Variants in SLC4A1 observed in about 807,000 individuals in gnomAD.
SLC4A1 encodes band 3 anion transport protein.
Under a neutral mutation model 93.1 loss-of-function variants are expected in SLC4A1, and 29 were observed. That is an observed-to-expected ratio of 0.31 (90% CI 0.23 to 0.42). The LOEUF is 0.42. SLC4A1 is among the 20% of genes least tolerant of loss of function. SLC4A1 has a pLI of 1.00. For missense variants in SLC4A1, 965 were observed against 1,190.1 expected, an observed-to-expected ratio of 0.81 and a Z score of 2.78; for synonymous variants, 469 against 497.2, an observed-to-expected ratio of 0.94 and a Z score of 0.76.
rs2047316476 is a variant in SLC4A1, at chr17:44,248,912, T to G, written c.*1546A>C. 1 of 193,228 alleles carries G rather than the reference T, an allele frequency of 5.2e-6. No individual in the cohort carries two copies. The highest frequency in any genetic ancestry group is 9.7e-6 in the Non-Finnish European group (1 of 102,726). The allele number at this position is 193,228 out of a possible 1,614,324, so 12.0% of individuals were successfully genotyped here. A position where few individuals can be genotyped will look rare whatever the true frequency, so the allele number is the denominator to read the frequency against. ...TCTCGCTCTGTTGCCCAGGCTGGAG[T>G]GCAGTGGTGCAATCTTGGCTCACTG... is the stretch of plus-strand genomic sequence containing the variant. On this transcript the variant is annotated 3_prime_UTR_variant, in exon 20 of 20. Transcript: ENST00000262418.
rs756716444 is a variant in SLC4A1 at position 44,255,763 on chromosome 17, T to C, written c.1710A>G (p.Thr570=). 1 of 1,614,082 alleles carries C rather than the reference T, an allele frequency of 6.2e-7. No homozygotes were observed. Among genetic ancestry groups the C allele is most frequent in the Non-Finnish European group, 8.5e-7 (1 of 1,179,998 alleles). Residue 570 remains threonine, a synonymous_variant, in exon 14 of 20, where the codon ACA becomes ACG. Coordinates refer to ENST00000262418, the MANE Select transcript of SLC4A1 (RefSeq NM_000342.4). ...VPKPQGPLPN[T]ALLSLVLMAG... ...CCATGAGCACAAGGGAGAGGAGGGC[T>C]GTGTTGGGCAGGGGGCCCTGAGGTT...
intron 3 of SLC4A1, chr17:44,261,932 G>T: frequency 8.8e-7 from 1 of 1,141,160 alleles, no homozygotes; most frequent in Non-Finnish European, 1.2e-6. Context: ...TCTCCAAGGT[G>T]ACGGCAGAGC....
rs764723594 is a variant in SLC4A1, at chr17:44,262,816, C to T, written c.15+36G>A. ...TCTAGGACCAGGTCCCCAGAGCCTCCAGGTGGGAGCACTGCTGATGCCAGG... is the reference window on the plus strand; with the variant it reads ...TCTAGGACCAGGTCCCCAGAGCCTCTAGGTGGGAGCACTGCTGATGCCAGG... On this transcript the variant is annotated intron_variant, in intron 2 of 19. Transcript: ENST00000262418. 6 of 1,612,196 alleles carry T rather than the reference C, an allele frequency of 3.7e-6. No individual in the cohort carries two copies. In the Admixed American group the frequency reaches 8.3e-5, roughly 22 times the overall value.
chr17:44,262,282 AG>A (rs1683880388), intron 3 of SLC4A1, among the ~76,000 whole-genome samples: 2 of 152,224 alleles, frequency 1.3e-5, no homozygotes, highest in East Asian at 1.9e-4. Context: ...GGTCCCCACA[AG>A]CCCCTCATTT....
At chr17:44,251,081 G>C in intron 19 of SLC4A1, 78 bp downstream of exon 19, 1 of 1,479,372 alleles carries the variant, frequency 6.8e-7, no homozygotes, top group Non-Finnish European at 9.2e-7. Context: ...CCATGACTCT[G>C]TCCTGCCTGC....
At position 44,258,044 on chromosome 17, in the gene SLC4A1, G is replaced by C; in HGVS notation, c.1224C>G (p.Ala408=). Residue 408 remains alanine (A), a synonymous_variant, in exon 11 of 20, where the codon GCC becomes GCG. Transcript: ENST00000262418. The surrounding 1 kb of genome is among the most constrained non-coding windows in gnomAD (Gnocchi z 6.1). ...TDAFSPQVLA[A]VIFIYFAALS... is the part of the protein sequence containing the mutation. ...GTGCAGCAAAGTAGATGAAGATGAC[G>C]GCAGCCAGGACCTGGGGGCTGAATG... is the stretch of plus-strand genomic sequence containing the variant. 1.2e-6 allele frequency: 2 copies of C among 1,614,018 alleles called. No homozygotes were observed.
rs112927399 is a variant in SLC4A1, at chr17:44,261,794, A to G, written c.107-158T>C. Among the ~76,000 whole-genome samples, 8 of 152,138 alleles carry G rather than the reference A, an allele frequency of 5.3e-5. 1 individual carries two copies. Among genetic ancestry groups the G allele is most frequent in the African/African-American group, 1.9e-4 (8 of 41,524 alleles). On this transcript the variant is annotated intron_variant, in intron 3 of 19. Transcript: ENST00000262418. ...GTGCCGCATCCCACACTGGCCACTC[A>G]GCAGAATGAGGCTCCCCACACTTGT...
Position 44,255,733 on chromosome 17 carries a change from A to T in SLC4A1, c.1740T>A (p.Gly580=). Residue 580 remains glycine, a synonymous_variant, in exon 14 of 20, where the codon GGT becomes GGA. Coordinates refer to ENST00000262418, the MANE Select transcript of SLC4A1 (RefSeq NM_000342.4). ...TALLSLVLMA[G]TFFFAMMLRK... Reference sequence around the variant, plus strand: ...GCAGCATCATGGCAAAGAAGAAGGTACCGGCCATGAGCACAAGGGAGAGGA... The same window carrying T: ...GCAGCATCATGGCAAAGAAGAAGGTTCCGGCCATGAGCACAAGGGAGAGGA... 1 of 1,614,128 alleles carries T rather than the reference A, an allele frequency of 6.2e-7. No individual in the cohort carries two copies. The highest frequency in any genetic ancestry group is 8.5e-7 in the Non-Finnish European group (1 of 1,180,024).
intron 16 of SLC4A1, among the ~76,000 whole-genome samples, chr17:44,254,088 C>A (rs1181461551): frequency 8.6e-5 from 13 of 151,418 alleles, no homozygotes; most frequent in Admixed American, 7.9e-4. Context: ...GATTCTCCTG[C>A]CTCAGCCTCC....
chr17:44,260,847 AGGCATAGTCCAG>A, intron 4 of SLC4A1, 32 bp from the exon 5 acceptor site: 2 of 1,605,634 alleles, frequency 1.2e-6, no homozygotes. Context: ...TTAGTTCATC[AGGCATAGTCCAG>A]GGCATAGTGG....
Position 44,254,458 on chromosome 17 carries a change from C to T in SLC4A1, c.2057+38G>A, listed in dbSNP as rs756848928. 1.6e-5 allele frequency: 12 copies of T among 759,606 alleles called. 2 individuals are homozygous for T. The highest frequency in any genetic ancestry group is 5.4e-5 in the South Asian group (4 of 74,302). The allele number at this position is 759,606 out of a possible 1,614,324, so 47.1% of individuals were successfully genotyped here. ...GAATGCCAGGGAAAGGTCCCTGCCT[C>T]CCACCCTCCCAGGCCCAGCCCCCAC... On this transcript the variant is annotated intron_variant, in intron 16 of 19. Coordinates refer to ENST00000262418, the MANE Select transcript of SLC4A1 (RefSeq NM_000342.4).
At chr17:44,251,074 T>A in intron 19 of SLC4A1, 85 bp downstream of exon 19, 2 of 1,445,324 alleles carry the variant, frequency 1.4e-6, no homozygotes, top group Non-Finnish European at 1.9e-6. Flanking sequence ...ACTTTACCCA[T>A]GACTCTGTCC....
At chr17:44,254,188 C>A (rs368012946) in intron 16 of SLC4A1, among the ~76,000 whole-genome samples, 2 of 152,102 alleles carry the variant, frequency 1.3e-5, no homozygotes, top group Non-Finnish European at 2.9e-5. Context: ...GTTAGCCAAG[C>A]TGGTCTCGAA....
At position 44,260,723 on chromosome 17, in the gene SLC4A1, G is replaced by C. The variant is rs761763084; in HGVS notation, c.261C>G (p.Asn87Lys). The change falls in exon 5 of 20, where the codon AAC becomes AAG. Residue 87 changes from asparagine (N) to lysine (K), a missense_variant. Transcript: ENST00000262418. The stretch of plus-strand genomic sequence containing the variant: ...GGCCCCAGGCCCCATTCTCCCCCAG[G>C]TTCTCCTCCAGTTGCACCCAGCGCG... ...EAARWVQLEE[N>K]LGENGAWGRP... 1.2e-6 allele frequency: 2 copies of C among 1,614,142 alleles called. No homozygotes were observed. The highest frequency in any genetic ancestry group is 2.2e-5 in the South Asian group (2 of 91,088).
chr17:44,252,213 G>C (rs996575792), intron 17 of SLC4A1, among the ~76,000 whole-genome samples: 3 of 151,782 alleles, frequency 2.0e-5, no homozygotes, highest in Non-Finnish European at 4.4e-5. Flanking sequence ...GCGACACCAC[G>C]CCCAGCTGAT....
At chr17:44,255,148 G>T (rs771999877) in intron 15 of SLC4A1, 59 bp downstream of exon 15, 65 of 1,173,250 alleles carry the variant, frequency 5.5e-5, no homozygotes, top group Admixed American at 2.2e-4. Flanking sequence ...GGGCATGCTG[G>T]GGGGTGGAAA....
rs2047315810 is a variant in SLC4A1, at chr17:44,248,859, T to TTTG, written c.*1598_*1599insCAA. Reference sequence around the variant, plus strand: ...CTGATGTTTCCTTCCGTTTTTTTTTTTTTTTTTTTTTTTTTTTTGAGACAG... The same window carrying TTTG: ...CTGATGTTTCCTTCCGTTTTTTTTTTTTGTTTTTTTTTTTTTTTTTTGAGACAG... On this transcript the variant is annotated 3_prime_UTR_variant, in exon 20 of 20. Transcript: ENST00000262418. 6.6e-5 allele frequency: 9 copies of TTTG among 136,264 alleles called. No homozygotes were observed. The South Asian group carries it at 1.5e-3, about 23-fold the overall frequency. The allele number at this position is 136,264 out of a possible 1,614,324, so 8.4% of individuals were successfully genotyped here.
intron 15 of SLC4A1, 85 bp from the exon 16 acceptor site, chr17:44,254,747 C>A: frequency 1.5e-6 from 2 of 1,348,596 alleles, no homozygotes; most frequent in East Asian, 2.4e-5. Context: ...TCCTAGGGGT[C>A]GGGCAGTTAG....
Position 44,260,687 on chromosome 17 carries a change from G to A in SLC4A1, c.297C>T (p.Leu99=), listed in dbSNP as rs146541331. The change falls in exon 5 of 20, where the codon CTC becomes CTT. Residue 99 remains leucine, a synonymous_variant. Transcript: ENST00000262418. The stretch of plus-strand genomic sequence containing the variant: ...GGAGGCTCCAGAAGGTGAGGTGAGA[G>A]AGGTGCGGGCGGCCCCAGGCCCCAT... ...GENGAWGRPH[L]SHLTFWSLLE... 141 of 1,614,178 alleles carry A rather than the reference G, an allele frequency of 8.7e-5. No homozygotes were observed. The African/African-American group carries it at 1.8e-3, about 21-fold the overall frequency.
Sources: allele counts gnomAD v4.1 joint callset (sites outside exome capture counted in the v4.1 genomes callset), GRCh38; gene constraint gnomAD v4.1.1; non-coding constraint Gnocchi (gnomAD v3.1); transcripts MANE v1.5; gene names NCBI Gene and HGNC (gene_info 2026-07-23, HGNC 2026-07-21).